The following IGFBPL1 variants were observed in gnomAD, a reference collection of about 807,000 sequenced individuals.
IGFBPL1 encodes the protein insulin like growth factor binding protein like 1.
In IGFBPL1, 20 loss-of-function variants were observed where a neutral mutation model predicts 23.9. That is an observed-to-expected ratio of 0.84 (90% CI 0.59 to 1.22). The LOEUF is 1.22. IGFBPL1 is among the 50% of genes most tolerant of loss of function. The pLI is 0.00. For synonymous variants in IGFBPL1, 184 were observed against 171.8 expected (o/e 1.07, Z -0.56); for missense variants, 436 against 379.3 (o/e 1.15, Z -1.24).
chr9:38,414,757 C>A (rs1054695647), intron 1 of IGFBPL1, among the ~76,000 whole-genome samples: 18 of 152,168 alleles, frequency 1.2e-4, no homozygotes, highest in African/African-American at 3.9e-4. Flanking sequence ...AGGGCTCCCC[C>A]ACTCCCTCTG....
At chr9:38,413,467 G>A (rs1055404653) in intron 2 of IGFBPL1, 114 bp from the exon 3 acceptor site, 9 of 691,740 alleles carry the variant, frequency 1.3e-5, no homozygotes, top group African/African-American at 3.6e-5. Flanking sequence ...ACTCAAAAAC[G>A]GAAACCCTAG....
chr9:38,410,747 G>C (rs1821502872), intron 4 of IGFBPL1, among the ~76,000 whole-genome samples: 1 of 152,216 alleles, frequency 6.6e-6, no homozygotes, highest in African/African-American at 2.4e-5. Context: ...ATGAGCAAAA[G>C]CTGGCTTATA....
chr9:38,412,293 C>T (rs1232579378), intron 3 of IGFBPL1, among the ~76,000 whole-genome samples: 1 of 152,184 alleles, frequency 6.6e-6, no homozygotes, highest in Non-Finnish European at 1.5e-5. Context: ...CTTCTTTTTA[C>T]AGGAGACTCA....
At chr9:38,411,794 TTACTGTGAGC>T (rs1266709487) in intron 3 of IGFBPL1, among the ~76,000 whole-genome samples, 3 of 152,174 alleles carry the variant, frequency 2.0e-5, no homozygotes, top group Non-Finnish European at 4.4e-5. Flanking sequence ...CACCTGCCTT[TTACTGTGAGC>T]TACCTGGTCT....
chr9:38,424,007 G>A lies in IGFBPL1; in HGVS notation c.418C>T (p.Pro140Ser). The A allele has an allele frequency of 1.4e-6, 2 of 1,409,740 alleles. No homozygotes were observed. The highest frequency in any genetic ancestry group is 1.8e-6 in the Non-Finnish European group (2 of 1,092,142). 87.3% of individuals were successfully genotyped at this position (1,409,740 alleles called of 1,614,324 possible). Residue 140 changes from proline (P) to serine (S), a missense_variant, in exon 1 of 5, where the codon CCC becomes TCC. Transcript: ENST00000377694. Reference protein sequence around the residue: ...LRARHTPRAHPGHLHKARDGP... With the variant: ...LRARHTPRAHSGHLHKARDGP... ...TCGCGCGCCTTGTGCAGGTGACCGG[G>A]GTGCGCGCGGGGCGTGTGCCGAGCG...
At chr9:38,409,446 C>A (rs1211691907) in intron 4 of IGFBPL1, among the ~76,000 whole-genome samples, 1 of 152,088 alleles carries the variant, frequency 6.6e-6, no homozygotes, top group Non-Finnish European at 1.5e-5. Context: ...ATCTTTTCAA[C>A]CATTGGAAAA....
At chr9:38,418,020 G>A (rs1821624118) in intron 1 of IGFBPL1, among the ~76,000 whole-genome samples, 1 of 152,334 alleles carries the variant, frequency 6.6e-6, no homozygotes, top group African/African-American at 2.4e-5. Context: ...AGGCCTTTCT[G>A]AGGATATGGT....
chr9:38,423,299 CCTTTA>C (rs1301914375), intron 1 of IGFBPL1, among the ~76,000 whole-genome samples: 1 of 152,252 alleles, frequency 6.6e-6, no homozygotes, highest in African/African-American at 2.4e-5. Flanking sequence ...CAGTTCTATT[CCTTTA>C]CTTAAGGCAG....
chr9:38,411,671 T>C (rs916164853), intron 3 of IGFBPL1, 122 bp from the exon 4 acceptor site: 5 of 886,976 alleles, frequency 5.6e-6, no homozygotes, highest in Non-Finnish European at 8.4e-6. Flanking sequence ...AAACTTGCTC[T>C]ATTTCTCTCC....
In IGFBPL1 at chr9:38,407,904, A is replaced by AT. The variant is rs1206287562; in HGVS notation, c.*1322dup. On this transcript the variant is annotated 3_prime_UTR_variant, in exon 5 of 5. Transcript: ENST00000377694. ...TAAAATTGTAATCACCTAAGGATCT[A>AT]TTTTTTTAAGATAAGATAGCAAATA... 6.6e-6 allele frequency among the ~76,000 whole-genome samples: 1 copy of AT among 152,048 alleles called. No individual in the cohort carries two copies. Among genetic ancestry groups the AT allele is most frequent in the African/African-American group, 2.4e-5 (1 of 41,374 alleles).
chr9:38,414,508 C>T (rs1003009819), intron 1 of IGFBPL1, among the ~76,000 whole-genome samples: 5 of 152,180 alleles, frequency 3.3e-5, no homozygotes, highest in Admixed American at 3.3e-4. Context: ...TCCCAGGGTC[C>T]GTTCCAGGCT....
At position 38,407,136 on chromosome 9, in the gene IGFBPL1, G is replaced by C. The variant is rs1216164577; in HGVS notation, c.*2091C>G. On this transcript the variant is annotated 3_prime_UTR_variant, in exon 5 of 5. Coordinates refer to ENST00000377694, the MANE Select transcript of IGFBPL1 (RefSeq NM_001007563.3). Reference sequence around the variant, plus strand: ...GTCACAGTGCGTGGAGAAGGGAGGGGCGGGAGGGGCTGAGTGAGGAGTGGA... The same window carrying C: ...GTCACAGTGCGTGGAGAAGGGAGGGCCGGGAGGGGCTGAGTGAGGAGTGGA... Among the ~76,000 whole-genome samples, 1 of 152,152 alleles carries C rather than the reference G, an allele frequency of 6.6e-6. No homozygotes were observed. Among genetic ancestry groups the C allele is most frequent in the Non-Finnish European group, 1.5e-5 (1 of 68,026 alleles).
intron 4 of IGFBPL1, among the ~76,000 whole-genome samples, chr9:38,409,484 G>T (rs552738819): frequency 2.6e-5 from 4 of 152,184 alleles, no homozygotes; most frequent in Non-Finnish European, 5.9e-5. Flanking sequence ...GTGGTAGTGA[G>T]CTCTGTATCC....
chr9:38,407,586 G>C lies in IGFBPL1; in HGVS notation c.*1641C>G, dbSNP rs1416119135. 1.3e-5 allele frequency among the ~76,000 whole-genome samples: 2 copies of C among 152,242 alleles called. No homozygotes were observed. The highest frequency in any genetic ancestry group is 3.8e-4 in the East Asian group (2 of 5,200). On this transcript the variant is annotated 3_prime_UTR_variant, in exon 5 of 5. Transcript: ENST00000377694. ...TAAAAGTTGGGATGAGTCTTGATAA[G>C]AGTCCCTGAAGCCTGTGGATTGGCA...
chr9:38,414,993 T>C (rs916167100), intron 1 of IGFBPL1, among the ~76,000 whole-genome samples: 1 of 152,206 alleles, frequency 6.6e-6, no homozygotes, highest in Admixed American at 6.5e-5. Context: ...CAGGCGTTTC[T>C]ACCTGCTCTC....
rs1821721964 is a variant in IGFBPL1 at position 38,424,055 on chromosome 9, T to C, written c.370A>G (p.Ser124Gly). 7.1e-7 allele frequency: 1 copy of C among 1,401,656 alleles called. No individual in the cohort carries two copies. Among genetic ancestry groups the C allele is most frequent in the Non-Finnish European group, 9.2e-7 (1 of 1,085,104 alleles). 86.8% of individuals were successfully genotyped at this position (1,401,656 alleles called of 1,614,324 possible). A position where few individuals can be genotyped will look rare whatever the true frequency, so the allele number is the denominator to read the frequency against. The part of the protein sequence containing the change: ...VCGSDGRSYP[S>G]VCALRLRARH... Reference sequence around the variant, plus strand: ...GCGCGCAGGCGCAGCGCGCAGACGCTGGGGTACGAGCGACCGTCGGAGCCG... The same window carrying C: ...GCGCGCAGGCGCAGCGCGCAGACGCCGGGGTACGAGCGACCGTCGGAGCCG... The change falls in exon 1 of 5, where the codon AGC becomes GGC. Residue 124 changes from serine (S) to glycine (G), a missense_variant. Ser to Gly is a moderately conservative substitution (Grantham distance 56, BLOSUM62 0). Coordinates refer to ENST00000377694, the MANE Select transcript of IGFBPL1 (RefSeq NM_001007563.3).
At chr9:38,416,012 T>C (rs1056947237) in intron 1 of IGFBPL1, among the ~76,000 whole-genome samples, 2 of 152,286 alleles carry the variant, frequency 1.3e-5, no homozygotes, top group East Asian at 3.9e-4. Flanking sequence ...TAACGTTGCC[T>C]GACAGCCACA....
chr9:38,409,824 C>G (rs1189314454), intron 4 of IGFBPL1, among the ~76,000 whole-genome samples: 1 of 152,188 alleles, frequency 6.6e-6, no homozygotes, highest in Non-Finnish European at 1.5e-5. Context: ...TCTAACTACT[C>G]ACGTACACCC....
intron 1 of IGFBPL1, among the ~76,000 whole-genome samples, chr9:38,414,502 AG>A (rs1245142821): frequency 6.6e-6 from 1 of 152,148 alleles, no homozygotes; most frequent in African/African-American, 2.4e-5. Context: ...GCTCCCTCCC[AG>A]GGTCCGTTCC....
Sources: gnomAD v4.1 joint callset for allele counts (sites outside exome capture counted in the v4.1 genomes callset) on GRCh38, gnomAD v4.1.1 for gene constraint, MANE v1.5 for transcripts, NCBI Gene and HGNC (gene_info 2026-07-23, HGNC 2026-07-21) for gene names.